The following MBD2 variants were observed in gnomAD, a reference collection of about 807,000 sequenced individuals.
MBD2 encodes the protein methyl-CpG binding domain protein 2, also known as methyl-CpG-binding domain protein 2.
In MBD2, 9 loss-of-function variants were observed where a neutral mutation model predicts 39.3. The ratio of observed to expected loss-of-function variants is 0.23; its 90% CI spans 0.14 to 0.40. The LOEUF (loss-of-function observed/expected upper bound fraction) is 0.40. Ranked by LOEUF, MBD2 falls within the 10% of genes least tolerant of loss-of-function variation. MBD2 has a pLI of 1.00. For synonymous variants in MBD2, 233 were observed against 211.1 expected (o/e 1.10, Z -0.90); for missense variants, 458 against 532.6 (o/e 0.86, Z 1.38).
At chr18:54,164,758 T>C in intron 4 of MBD2, 58 bp from the exon 5 acceptor site, 1 of 1,399,740 alleles carries the variant, frequency 7.1e-7, no homozygotes, top group South Asian at 1.3e-5. Context: ...GAGCAAACTT[T>C]ATGTGACATA....
chr18:54,165,039 T>C (rs1294811660), intron 4 of MBD2, among the ~76,000 whole-genome samples: 3 of 152,248 alleles, frequency 2.0e-5, no homozygotes, highest in Non-Finnish European at 4.4e-5. Context: ...AAGTTGGCTA[T>C]ATTTCCTCAA....
Position 54,205,848 on chromosome 18 carries a change from CT to C in MBD2, c.543-692del, listed in dbSNP as rs138870278. 7.6e-4 allele frequency among the ~76,000 whole-genome samples: 115 copies of C among 150,932 alleles called. 1 individual carries two copies. The East Asian group carries it at 0.016, about 20-fold the overall frequency. On this transcript the variant is annotated intron_variant, in intron 1 of 6. Coordinates refer to ENST00000256429, the MANE Select transcript of MBD2 (RefSeq NM_003927.5). Reference sequence around the variant, plus strand: ...TCCTTTCCAAATTGATTTTGAAATGCTTTTTTTTTCCCTGCAAGTACTACAT... The same window carrying C: ...TCCTTTCCAAATTGATTTTGAAATGCTTTTTTTTCCCTGCAAGTACTACAT...
intron 2 of MBD2, among the ~76,000 whole-genome samples, chr18:54,197,355 T>TA (rs1159134939): frequency 6.6e-6 from 1 of 152,224 alleles, no homozygotes; most frequent in Non-Finnish European, 1.5e-5. Context: ...CTTGCCTACT[T>TA]AAACCTCACC....
At position 54,224,575 on chromosome 18, in the gene MBD2, G is replaced by C; in HGVS notation, c.-16C>G. 1 of 1,216,698 alleles carries C rather than the reference G, an allele frequency of 8.2e-7. No individual in the cohort carries two copies. The highest frequency in any genetic ancestry group is 1.0e-6 in the Non-Finnish European group (1 of 977,038). 75.4% of individuals were successfully genotyped at this position (1,216,698 alleles called of 1,614,324 possible). On this transcript the variant is annotated 5_prime_UTR_variant, in exon 1 of 7. Coordinates refer to ENST00000256429, the MANE Select transcript of MBD2 (RefSeq NM_003927.5). ...GCGCGCGCATCCAGCCCCCTCCCCA[G>C]CCGGCGCTGCGCTTCTTCCGTAACC... is the stretch of plus-strand genomic sequence containing the variant.
chr18:54,177,621 C>T (rs1236652435), intron 3 of MBD2, among the ~76,000 whole-genome samples: 2 of 152,022 alleles, frequency 1.3e-5, no homozygotes, highest in East Asian at 1.9e-4. Context: ...GCTGGGACTA[C>T]AGGCGCCCGC....
In MBD2 at chr18:54,192,185, C is replaced by G. The variant is rs150847750; in HGVS notation, c.703-3174G>C. ...AATGCTTACAGGGAACTTCTTGTCACTAATTAGGTATAATCAGTATGTATC... is the reference window on the plus strand; with the variant it reads ...AATGCTTACAGGGAACTTCTTGTCAGTAATTAGGTATAATCAGTATGTATC... On this transcript the variant is annotated intron_variant, in intron 2 of 6. Transcript: ENST00000256429. 4.4e-4 allele frequency among the ~76,000 whole-genome samples: 67 copies of G among 152,308 alleles called. No individual in the cohort carries two copies. The East Asian group carries it at 0.013, about 29-fold the overall frequency.
intron 2 of MBD2, among the ~76,000 whole-genome samples, chr18:54,195,599 C>T (rs2086359088): frequency 6.6e-6 from 1 of 151,974 alleles, no homozygotes. Context: ...CGAGATAATG[C>T]ATGTTATGCT....
chr18:54,221,395 T>G (rs959411276), intron 1 of MBD2, among the ~76,000 whole-genome samples: 5 of 151,136 alleles, frequency 3.3e-5, no homozygotes, highest in African/African-American at 4.9e-5. Context: ...GAGGCAGGGC[T>G]TGTAGTGAGC....
At chr18:54,219,128 T>C (rs1200380646) in intron 1 of MBD2, among the ~76,000 whole-genome samples, 1 of 152,224 alleles carries the variant, frequency 6.6e-6, no homozygotes, top group Admixed American at 6.5e-5. Context: ...GAAATTCAAA[T>C]GCCGATTTCT....
intron 3 of MBD2, among the ~76,000 whole-genome samples, chr18:54,180,458 C>T (rs948064126): frequency 3.3e-5 from 5 of 152,116 alleles, no homozygotes; most frequent in African/African-American, 9.6e-5. Flanking sequence ...TTCATAATAA[C>T]GTAAACCCTG....
At position 54,154,553 on chromosome 18, in the gene MBD2, G is replaced by T. The variant is rs2086040146; in HGVS notation, c.*771C>A. The T allele has an allele frequency of 6.6e-6, 1 of 152,086 alleles. No homozygotes were observed. The highest frequency in any genetic ancestry group is 2.4e-5 in the African/African-American group (1 of 41,406). 9.4% of individuals were successfully genotyped at this position (152,086 alleles called of 1,614,324 possible). On this transcript the variant is annotated 3_prime_UTR_variant, in exon 7 of 7. Transcript: ENST00000256429. ...TGTATCTGACTCATGCCCAAGGGAAGAAAAAGCCTTATTCTTATAGAACTA... is the reference window on the plus strand; with the variant it reads ...TGTATCTGACTCATGCCCAAGGGAATAAAAAGCCTTATTCTTATAGAACTA...
chr18:54,205,268 T>C, intron 1 of MBD2, 111 bp from the exon 2 acceptor site: 1 of 1,012,638 alleles, frequency 9.9e-7, no homozygotes, highest in Non-Finnish European at 1.4e-6. Context: ...TTTTACATAT[T>C]TTTAAAGAAA....
At chr18:54,201,066 C>T (rs1205677658) in intron 2 of MBD2, among the ~76,000 whole-genome samples, 3 of 148,042 alleles carry the variant, frequency 2.0e-5, no homozygotes, top group Non-Finnish European at 3.0e-5. Context: ...GGCGACAGAG[C>T]GAGACCCCGT....
chr18:54,213,478 G>A (rs553746438), intron 1 of MBD2, among the ~76,000 whole-genome samples: 46 of 152,306 alleles, frequency 3.0e-4, no homozygotes, highest in African/African-American at 1.1e-3. Flanking sequence ...GGGGACCACT[G>A]CTCTGTATCA....
At chr18:54,157,110 GA>G (rs2086057688) in intron 6 of MBD2, among the ~76,000 whole-genome samples, 1 of 151,984 alleles carries the variant, frequency 6.6e-6, no homozygotes, top group African/African-American at 2.4e-5. Context: ...ACTTCCCTCT[GA>G]AAGACTTCCA....
At chr18:54,204,673 T>G (rs752473046) in intron 2 of MBD2, among the ~76,000 whole-genome samples, 1 of 152,166 alleles carries the variant, frequency 6.6e-6, no homozygotes, top group Non-Finnish European at 1.5e-5. Context: ...CCTGACACAT[T>G]AAAATTTTGC....
At position 54,152,414 on chromosome 18, in the gene MBD2, G is replaced by T. The variant is rs2086027432; in HGVS notation, c.*2910C>A. The T allele has an allele frequency of 6.6e-6, 1 of 152,274 alleles. No individual in the cohort carries two copies. The highest frequency in any genetic ancestry group is 6.5e-5 in the Admixed American group (1 of 15,290). The allele number at this position is 152,274 out of a possible 1,614,324, so 9.4% of individuals were successfully genotyped here. On this transcript the variant is annotated 3_prime_UTR_variant, in exon 7 of 7. Coordinates refer to ENST00000256429, the MANE Select transcript of MBD2 (RefSeq NM_003927.5). The stretch of plus-strand genomic sequence containing the variant: ...ACAAGCAGGGATCAGATCAAGAAGA[G>T]CCTTTTGACCATTCTTCCATTTATT...
In MBD2 at chr18:54,154,199, T is replaced by C. The variant is rs2086038132; in HGVS notation, c.*1125A>G. ...CCCTTCCTTGGTATCAGATTAAGTA[T>C]GTTTTGATTTTAGAAATCGTTTAAT... On this transcript the variant is annotated 3_prime_UTR_variant, in exon 7 of 7. Coordinates refer to ENST00000256429, the MANE Select transcript of MBD2 (RefSeq NM_003927.5). 1 of 152,240 alleles carries C rather than the reference T, an allele frequency of 6.6e-6. No homozygotes were observed. The highest frequency in any genetic ancestry group is 1.5e-5 in the Non-Finnish European group (1 of 68,040). The allele number at this position is 152,240 out of a possible 1,614,324, so 9.4% of individuals were successfully genotyped here.
chr18:54,186,850 T>C (rs1489310228), intron 3 of MBD2, among the ~76,000 whole-genome samples: 1 of 152,212 alleles, frequency 6.6e-6, no homozygotes, highest in Non-Finnish European at 1.5e-5. Context: ...AGATCTGGGT[T>C]GAAATGACGT....
Sources: gnomAD v4.1 joint callset for allele counts (sites outside exome capture counted in the v4.1 genomes callset) on GRCh38, gnomAD v4.1.1 for gene constraint, MANE v1.5 for transcripts, NCBI Gene and HGNC (gene_info 2026-07-23, HGNC 2026-07-21) for gene names.